ZKSCAN5: variants seen among roughly 807,000 people sequenced by gnomAD.
ZKSCAN5 encodes the protein zinc finger with KRAB and SCAN domains 5, also known as zinc finger protein with KRAB and SCAN domains 5.
ZKSCAN5 carries 28 observed loss-of-function variants against 60.0 expected under a neutral mutation model. The ratio of observed to expected loss-of-function variants is 0.47; its 90% CI spans 0.35 to 0.64. The LOEUF (loss-of-function observed/expected upper bound fraction) is 0.64. ZKSCAN5 is among the 30% of genes least tolerant of loss of function. The pLI, the probability that ZKSCAN5 is intolerant of heterozygous loss-of-function variation, is 0.01. For missense variants in ZKSCAN5, 881 were observed against 1,034.6 expected (o/e 0.85, Z 2.04); for synonymous variants, 361 against 371.2 (o/e 0.97, Z 0.31).
intron 4 of ZKSCAN5, 40 bp downstream of exon 4, chr7:99,519,949 T>G: frequency 6.2e-7 from 1 of 1,604,510 alleles, no homozygotes; most frequent in East Asian, 2.2e-5. Flanking sequence ...GGACCCATCC[T>G]GAACCTTCAC....
Position 99,520,292 on chromosome 7 carries a change from A to C in ZKSCAN5, c.760A>C (p.Ile254Leu). 1.2e-6 allele frequency: 2 copies of C among 1,612,820 alleles called. No individual in the cohort carries two copies. Among genetic ancestry groups the C allele is most frequent in the Non-Finnish European group, 8.5e-7 (1 of 1,179,726 alleles). Residue 254 changes from isoleucine (I) to leucine (L), a missense_variant, in exon 5 of 7, where the codon ATT (isoleucine) becomes CTT (leucine). Ile to Leu is a conservative substitution (Grantham distance 5). This residue lies in a region of ZKSCAN5 where 490 missense variants were observed against 554.5 expected (regional missense o/e 0.88). Coordinates refer to ENST00000326775, the MANE Select transcript of ZKSCAN5 (RefSeq NM_145102.4). ...RDDRKENYGS[I>L]TSMGYESRDN... is the part of the protein sequence containing the mutation. ...TGACAGGAAGGAGAACTATGGGAGT[A>C]TTACTTCCATGGGTAAGGATTATTT... is the stretch of plus-strand genomic sequence containing the variant.
At chr7:99,527,221 C>T (rs1488818153) in intron 6 of ZKSCAN5, among the ~76,000 whole-genome samples, 1 of 152,090 alleles carries the variant, frequency 6.6e-6, no homozygotes, top group Non-Finnish European at 1.5e-5. Context: ...GTTGCAGCTC[C>T]TCGGAAGGCT....
chr7:99,531,857 A>AT lies in ZKSCAN5; in HGVS notation c.2130dup (p.Glu711Ter), dbSNP rs752950719. 2.5e-6 allele frequency: 4 copies of AT among 1,614,224 alleles called. No homozygotes were observed. Among genetic ancestry groups the AT allele is most frequent in the African/African-American group, 2.7e-5 (2 of 75,072 alleles). On this transcript the variant is annotated frameshift_variant, in exon 7 of 7. Transcript: ENST00000326775. LOFTEE classifies it low-confidence loss of function (END_TRUNC). ...CTTGACAGTGATTGAAGACAAGAAGATTGAGTTACAAGAGCAGCCTTATCA... is the reference window on the plus strand; with the variant it reads ...CTTGACAGTGATTGAAGACAAGAAGATTTGAGTTACAAGAGCAGCCTTATCA...
Position 99,533,744 on chromosome 7 carries a change from T to A in ZKSCAN5, c.*1495T>A. ...TAGACTTTTTCTGAGCCTTCATCCG[T>A]GCTAAGCTCTCTCCCTTCTCTATCC... On this transcript the variant is annotated 3_prime_UTR_variant, in exon 7 of 7. Transcript: ENST00000326775. 1 of 398,262 alleles carries A rather than the reference T, an allele frequency of 2.5e-6. No individual in the cohort carries two copies. 24.7% of individuals were successfully genotyped at this position (398,262 alleles called of 1,614,324 possible).
In ZKSCAN5 at chr7:99,512,571, C is replaced by T. The variant is rs774509272; in HGVS notation, c.533C>T (p.Pro178Leu). ...CAGCCTGAGCAAGCGCCACAGAAGC[C>T]TCGTCTCCTGGAGGAAAATGGTGAG... ...DTQPEQAPQK[P>L]RLLEENALPV... is the part of the protein sequence containing the mutation. The change falls in exon 3 of 7, where the codon CCT (proline) becomes CTT (leucine). Residue 178 changes from proline (P) to leucine (L), a missense_variant. Pro to Leu is a moderately conservative substitution (Grantham distance 98). This residue lies in a region of ZKSCAN5 where 490 missense variants were observed against 554.5 expected (regional missense o/e 0.88). Coordinates refer to ENST00000326775, the MANE Select transcript of ZKSCAN5 (RefSeq NM_145102.4). 18 of 1,614,016 alleles carry T rather than the reference C, an allele frequency of 1.1e-5. No homozygotes were observed. The highest frequency in any genetic ancestry group is 1.6e-4 in the Middle Eastern group (1 of 6,084).
intron 5 of ZKSCAN5, 137 bp from the exon 6 acceptor site, chr7:99,525,676 C>A: frequency 1.7e-6 from 2 of 1,208,374 alleles, no homozygotes; most frequent in East Asian, 2.5e-5. Flanking sequence ...ATTTTTCATC[C>A]CATCCCTGTA....
chr7:99,505,289 G>C (rs994618631), intron 1 of ZKSCAN5: 1 of 152,254 alleles, frequency 6.6e-6, no homozygotes, highest in African/African-American at 2.4e-5. Context: ...GTGTTGGGGA[G>C]TGTCGGCTTC....
chr7:99,507,573 ATGTGTATATT>A (rs1800825673), intron 2 of ZKSCAN5, among the ~76,000 whole-genome samples: 10 of 148,920 alleles, frequency 6.7e-5, no homozygotes, highest in African/African-American at 2.0e-4. Context: ...GTGTATATAT[ATGTGTATATT>A]TATGTGTGTG....
chr7:99,512,480 C>T lies in ZKSCAN5; in HGVS notation c.442C>T (p.Arg148Trp), dbSNP rs767199084. 47 of 1,613,608 alleles carry T rather than the reference C, an allele frequency of 2.9e-5. No individual in the cohort carries two copies. The highest frequency in any genetic ancestry group is 6.7e-5 in the African/African-American group (5 of 75,000). The stretch of plus-strand genomic sequence containing the variant: ...TGTTGCCTGCCCTGATGTGCTTCCT[C>T]GGAAGATGGCAACACCTGGAGCAGT... The part of the protein sequence containing the change: ...QIVACPDVLP[R>W]KMATPGAVQE... The change falls in exon 3 of 7, where the codon CGG (arginine) becomes TGG (tryptophan). Residue 148 changes from arginine (R) to tryptophan (W), a missense_variant. Transcript: ENST00000326775.
chr7:99,523,328 G>A (rs1260907681), intron 5 of ZKSCAN5, among the ~76,000 whole-genome samples: 1 of 151,922 alleles, frequency 6.6e-6, no homozygotes, highest in Admixed American at 6.6e-5. Context: ...AGGAGGAAGT[G>A]AGTAGGCTGC....
intron 3 of ZKSCAN5, among the ~76,000 whole-genome samples, chr7:99,514,680 G>A (rs369917755): frequency 9.2e-5 from 14 of 152,108 alleles, no homozygotes; most frequent in East Asian, 5.8e-4. Flanking sequence ...GCCAAGGCGG[G>A]CAGATCACCT....
intron 6 of ZKSCAN5, among the ~76,000 whole-genome samples, chr7:99,529,796 C>A (rs866004912): frequency 6.6e-6 from 1 of 151,966 alleles, no homozygotes; most frequent in Admixed American, 6.6e-5. Flanking sequence ...AGTGCAGTGG[C>A]GCAATCTTGG....
At position 99,530,873 on chromosome 7, in the gene ZKSCAN5, A is replaced by G. The variant is rs181982521; in HGVS notation, c.1379-235A>G. Among the ~76,000 whole-genome samples the G allele has an allele frequency of 1.2e-3, 185 of 152,292 alleles. 2 individuals carry two copies. Among genetic ancestry groups the G allele is most frequent in the African/African-American group, 4.1e-3 (171 of 41,562 alleles). ...GGAGTTTGAGACCAGCCTGGCCAACATGGCAAAACCCCATCTCTACTAAAC... is the reference window on the plus strand; with the variant it reads ...GGAGTTTGAGACCAGCCTGGCCAACGTGGCAAAACCCCATCTCTACTAAAC... On this transcript the variant is annotated intron_variant, in intron 6 of 6. Transcript: ENST00000326775.
chr7:99,511,084 C>T (rs759246359), intron 2 of ZKSCAN5, among the ~76,000 whole-genome samples: 186 of 152,122 alleles, frequency 1.2e-3, no homozygotes, highest in Non-Finnish European at 1.7e-3. Flanking sequence ...CACATTTTGC[C>T]AGTAGCAGGA....
Position 99,520,214 on chromosome 7 carries a change from A to G in ZKSCAN5, c.682A>G (p.Ile228Val), listed in dbSNP as rs1215155588. 1.2e-6 allele frequency: 2 copies of G among 1,614,128 alleles called. No homozygotes were observed. The highest frequency in any genetic ancestry group is 4.5e-5 in the East Asian group (2 of 44,890). Residue 228 changes from isoleucine to valine, a missense_variant, in exon 5 of 7, where the codon ATC (isoleucine) becomes GTC (valine). Ile to Val is a conservative substitution (Grantham distance 29). This residue lies in a region of ZKSCAN5 where 490 missense variants were observed against 554.5 expected (regional missense o/e 0.88). Transcript: ENST00000326775. ...GGTGGCTGATGTGGCTGTATCCTTCATCCTGGAGGAATGGGGGCATTTGGA... is the reference window on the plus strand; with the variant it reads ...GGTGGCTGATGTGGCTGTATCCTTCGTCCTGGAGGAATGGGGGCATTTGGA... Reference protein sequence around the residue: ...EEVADVAVSFILEEWGHLDQS... With the variant: ...EEVADVAVSFVLEEWGHLDQS...
chr7:99,525,883 G>A lies in ZKSCAN5; in HGVS notation c.843G>A (p.Val281=). Residue 281 remains valine, a synonymous_variant, in exon 6 of 7, where the codon GTG becomes GTA. Transcript: ENST00000326775. The part of the protein sequence containing the change: ...QISDDSESHW[V]APEHTERSVP... ...CTGATGACTCTGAATCACACTGGGT[G>A]GCGCCAGAACACACCGAAAGGAGCG... is the stretch of plus-strand genomic sequence containing the variant. 6.2e-7 allele frequency: 1 copy of A among 1,613,994 alleles called. No individual in the cohort carries two copies. The highest frequency in any genetic ancestry group is 8.5e-7 in the Non-Finnish European group (1 of 1,180,026).
chr7:99,513,259 T>C (rs1009889651), intron 3 of ZKSCAN5, among the ~76,000 whole-genome samples: 3 of 152,066 alleles, frequency 2.0e-5, no homozygotes, highest in Non-Finnish European at 2.9e-5. Flanking sequence ...TGCACACGTA[T>C]GTTTATTGCT....
chr7:99,524,899 T>G (rs1801704107), intron 5 of ZKSCAN5, among the ~76,000 whole-genome samples: 2 of 152,036 alleles, frequency 1.3e-5, no homozygotes, highest in Admixed American at 6.6e-5. Context: ...CTGGGCGCGG[T>G]GGCTCATGTC....
In ZKSCAN5 at chr7:99,512,436, T is replaced by A. The variant is rs770247165; in HGVS notation, c.415-17T>A. Reference sequence around the variant, plus strand: ...TTCTCTGTAACTGTACTGATCGGTTTTGGTTGTGGTTGTTAGATTGTTGCC... The same window carrying A: ...TTCTCTGTAACTGTACTGATCGGTTATGGTTGTGGTTGTTAGATTGTTGCC... On this transcript the variant is annotated splice_polypyrimidine_tract_variant and intron_variant, in intron 2 of 6. Coordinates refer to ENST00000326775, the MANE Select transcript of ZKSCAN5 (RefSeq NM_145102.4). 4 of 1,612,574 alleles carry A rather than the reference T, an allele frequency of 2.5e-6. No individual in the cohort carries two copies. Among genetic ancestry groups the A allele is most frequent in the Non-Finnish European group, 3.4e-6 (4 of 1,179,090 alleles).
Sources: allele counts gnomAD v4.1 joint callset (sites outside exome capture counted in the v4.1 genomes callset), GRCh38; gene constraint gnomAD v4.1.1; regional missense constraint gnomAD v4.1.1; transcripts MANE v1.5; gene names NCBI Gene and HGNC (gene_info 2026-07-23, HGNC 2026-07-21).